Variants in MALRD1 observed in about 807,000 individuals in gnomAD.
MALRD1 encodes MAM and LDL-receptor class A domain-containing protein 1.
Under a neutral mutation model 242.1 loss-of-function variants are expected in MALRD1, and 247 were observed. The ratio of observed to expected loss-of-function variants is 1.02; its 90% CI spans 0.92 to 1.13. The LOEUF is 1.13. MALRD1 is among the 50% of genes most tolerant of loss of function. The probability of loss-of-function intolerance (pLI) is 0.00; values close to 1 mark genes in which losing one functional copy is unlikely to be tolerated. For missense variants in MALRD1, 2,989 were observed against 2,533.1 expected (o/e 1.18, Z -3.86); for synonymous variants, 995 against 866.6 (o/e 1.15, Z -2.60).
intron 9 of MALRD1, 33 bp downstream of exon 9, chr10:19,133,981 C>A: frequency 9.0e-7 from 1 of 1,108,966 alleles, no homozygotes; most frequent in South Asian, 4.6e-5. Context: ...ATTTTTTTAT[C>A]ATGGTTTAAG....
At chr10:19,477,439 GCTACT>G (rs1337266180) in intron 29 of MALRD1, among the ~76,000 whole-genome samples, 1 of 151,318 alleles carries the variant, frequency 6.6e-6, no homozygotes, top group Non-Finnish European at 1.5e-5. Context: ...TGACTATTCT[GCTACT>G]CTAGAGTAGT....
intron 38 of MALRD1, among the ~76,000 whole-genome samples, chr10:19,696,052 G>A (rs1433456539): frequency 6.6e-6 from 1 of 152,136 alleles, no homozygotes; most frequent in African/African-American, 2.4e-5. Context: ...TATCACATAG[G>A]GAGGCAGGAC....
chr10:19,277,208 G>A (rs1840573393), intron 19 of MALRD1, among the ~76,000 whole-genome samples: 1 of 152,108 alleles, frequency 6.6e-6, no homozygotes, highest in South Asian at 2.1e-4. Flanking sequence ...TTATAGGTGT[G>A]AGCCACCACA....
chr10:19,467,302 C>T (rs1185762307), intron 29 of MALRD1, among the ~76,000 whole-genome samples: 2 of 140,256 alleles, frequency 1.4e-5, no homozygotes, highest in Non-Finnish European at 3.1e-5. Context: ...TTGCAGTGAG[C>T]CGAGATCGCG....
chr10:19,199,236 A>G lies in MALRD1; in HGVS notation c.1952-4492A>G, dbSNP rs75632684. Among the ~76,000 whole-genome samples, 986 of 152,342 alleles carry G rather than the reference A, an allele frequency of 6.5e-3. 76 individuals carry two copies. The East Asian group carries it at 0.16, about 24-fold the overall frequency. ...TGGACTTAACAGCGATTATTATTGT[A>G]TGGTGTAACACCTATTTCCGGAATG... On this transcript the variant is annotated intron_variant, in intron 14 of 39. Transcript: ENST00000454679.
chr10:19,469,941 G>A (rs984037024), intron 29 of MALRD1, among the ~76,000 whole-genome samples: 10 of 151,778 alleles, frequency 6.6e-5, no homozygotes, highest in African/African-American at 2.4e-4. Context: ...CCCCTTTATT[G>A]GACTTTTTAT....
In MALRD1 at chr10:19,453,876, GA is replaced by G. The variant is rs11399924; in HGVS notation, c.5029+3399del. Among the ~76,000 whole-genome samples the G allele has an allele frequency of 1.5e-3, 219 of 144,486 alleles. 1 individual carries two copies. The highest frequency in any genetic ancestry group is 2.1e-3 in the African/African-American group (81 of 39,330). The allele number at this position is 144,486 out of a possible 152,430, so 94.8% of individuals were successfully genotyped here. A position where few individuals can be genotyped will look rare whatever the true frequency, so the allele number is the denominator to read the frequency against. On this transcript the variant is annotated intron_variant, in intron 29 of 39. Transcript: ENST00000454679. ...AGGGTGATGGAGCAAGACTCCGTCT[GA>G]AAAAAAAAAAAATTGAAAATTAAAA...
At chr10:19,375,927 T>A (rs1275035049) in intron 26 of MALRD1, among the ~76,000 whole-genome samples, 1 of 152,024 alleles carries the variant, frequency 6.6e-6, no homozygotes, top group Non-Finnish European at 1.5e-5. Context: ...ATCGAGACCA[T>A]CCTGGCCAGT....
chr10:19,525,158 G>T (rs1443070921), intron 31 of MALRD1, among the ~76,000 whole-genome samples: 2 of 150,430 alleles, frequency 1.3e-5, no homozygotes, highest in East Asian at 2.0e-4. Context: ...TAGGTGATCT[G>T]CCCGCCTGGG....
chr10:19,242,620 A>C (rs768670966), intron 18 of MALRD1, among the ~76,000 whole-genome samples: 1 of 152,098 alleles, frequency 6.6e-6, no homozygotes, highest in Non-Finnish European at 1.5e-5. Context: ...GTATATAGTT[A>C]CACCTAAGTA....
chr10:19,584,244 G>A (rs1289504223), intron 33 of MALRD1, among the ~76,000 whole-genome samples: 4 of 151,808 alleles, frequency 2.6e-5, no homozygotes, highest in African/African-American at 7.3e-5. Flanking sequence ...CTCTGATTTT[G>A]GTTATTTCTT....
intron 18 of MALRD1, among the ~76,000 whole-genome samples, chr10:19,215,543 T>C (rs1837271878): frequency 1.3e-5 from 2 of 152,202 alleles, no homozygotes; most frequent in South Asian, 4.1e-4. Context: ...CCCCCCAAAC[T>C]TCTTGTAAAG....
intron 14 of MALRD1, among the ~76,000 whole-genome samples, chr10:19,187,363 G>A (rs1835785820): frequency 1.3e-5 from 2 of 152,132 alleles, no homozygotes; most frequent in South Asian, 4.2e-4. Context: ...TTCCAAGAGA[G>A]TGGTCATAGT....
intron 36 of MALRD1, among the ~76,000 whole-genome samples, chr10:19,629,226 A>C (rs966062465): frequency 6.6e-6 from 1 of 152,160 alleles, no homozygotes; most frequent in African/African-American, 2.4e-5. Flanking sequence ...TGCCTTCCAA[A>C]TGAATGACCT....
intron 18 of MALRD1, among the ~76,000 whole-genome samples, chr10:19,249,152 A>C (rs966057847): frequency 2.0e-5 from 3 of 151,378 alleles, no homozygotes; most frequent in African/African-American, 7.3e-5. Flanking sequence ...AATTGATATT[A>C]CTCCAGATAG....
intron 28 of MALRD1, among the ~76,000 whole-genome samples, chr10:19,432,661 G>A (rs1249981723): frequency 6.6e-6 from 1 of 152,200 alleles, no homozygotes; most frequent in Non-Finnish European, 1.5e-5. Context: ...ATTTTGATAA[G>A]AGAAGTGAAA....
chr10:19,638,101 C>CAAAAAAAAAAAAAAAAAAAAAAAA (rs56865342), intron 36 of MALRD1, among the ~76,000 whole-genome samples: 3 of 41,924 alleles, frequency 7.2e-5, no homozygotes, highest in African/African-American at 1.9e-4. Flanking sequence ...AACTCACTCT[C>CAAAAAAAAAAAAAAAAAAAAAAAA]AAAAAAAAAA....
intron 28 of MALRD1, among the ~76,000 whole-genome samples, chr10:19,394,163 C>A (rs897326787): frequency 6.6e-6 from 1 of 152,130 alleles, no homozygotes; most frequent in African/African-American, 2.4e-5. Flanking sequence ...ATATAGCAAC[C>A]TAGTTATGCT....
chr10:19,523,915 T>G (rs1833983550), intron 31 of MALRD1, among the ~76,000 whole-genome samples: 3 of 152,278 alleles, frequency 2.0e-5, no homozygotes, highest in East Asian at 1.9e-4. Flanking sequence ...GTGTTTTTAT[T>G]TAAGAGGCAA....
Sources: allele counts gnomAD v4.1 joint callset (sites outside exome capture counted in the v4.1 genomes callset), GRCh38; gene constraint gnomAD v4.1.1; transcripts MANE v1.5; gene names NCBI Gene and HGNC (gene_info 2026-07-23, HGNC 2026-07-21).